The following KCNIP4 variants were observed in gnomAD, a reference collection of about 807,000 sequenced individuals.
KCNIP4 encodes potassium voltage-gated channel interacting protein 4.
In KCNIP4, 12 loss-of-function variants were observed where a neutral mutation model predicts 34.0. The ratio of observed to expected loss-of-function variants is 0.35; its 90% CI spans 0.23 to 0.57. The LOEUF (loss-of-function observed/expected upper bound fraction) is 0.57. Ranked by LOEUF, KCNIP4 falls within the 20% of genes least tolerant of loss-of-function variation. KCNIP4 has a pLI of 0.83. For synonymous variants in KCNIP4, 124 were observed against 102.2 expected (o/e 1.21, Z -1.29); for missense variants, 238 against 311.7 (o/e 0.76, Z 1.78).
At chr4:21,519,180 T>C (rs1735039245) in intron 1 of KCNIP4, among the ~76,000 whole-genome samples, 1 of 151,958 alleles carries the variant, frequency 6.6e-6, no homozygotes, top group South Asian at 2.1e-4. Flanking sequence ...AGGGTGAAGC[T>C]CTCGTGAATG....
At chr4:21,786,661 G>A (rs1162142627) in intron 1 of KCNIP4, among the ~76,000 whole-genome samples, 3 of 149,254 alleles carry the variant, frequency 2.0e-5, no homozygotes, top group African/African-American at 7.4e-5. Context: ...TCCGCCTCCC[G>A]GGTTCATGCC....
chr4:21,640,588 G>GCCAACCAA (rs371197288), intron 1 of KCNIP4, among the ~76,000 whole-genome samples: 1 of 151,960 alleles, frequency 6.6e-6, no homozygotes, highest in Admixed American at 6.6e-5. Context: ...CCATGTTCCA[G>GCCAACCAA]CCAACCAACC....
In KCNIP4 at chr4:21,714,783, TTGA is replaced by T. The variant is rs746275829; in HGVS notation, c.61+233785_61+233787del. Among the ~76,000 whole-genome samples, 117 of 47,278 alleles carry T rather than the reference TTGA, an allele frequency of 2.5e-3. 18 individuals carry two copies. The highest frequency in any genetic ancestry group is 4.5e-3 in the Admixed American group (14 of 3,110). The allele number at this position is 47,278 out of a possible 152,430, so 31.0% of individuals were successfully genotyped here. A position where few individuals can be genotyped will look rare whatever the true frequency, so the allele number is the denominator to read the frequency against. On this transcript the variant is annotated intron_variant, in intron 1 of 8. Transcript: ENST00000382152. The stretch of plus-strand genomic sequence containing the variant: ...TAAAGAATGTGTTAGTAATTTCCCT[TTGA>T]TTATTTTATTTTATTTTATTTTATT...
intron 2 of KCNIP4, among the ~76,000 whole-genome samples, chr4:20,880,371 T>G (rs1429594708): frequency 2.6e-5 from 4 of 152,196 alleles, no homozygotes; most frequent in Non-Finnish European, 4.4e-5. Flanking sequence ...AGGAGTCTTA[T>G]GGGGTCCACA....
chr4:20,771,214 T>C (rs925432121), intron 3 of KCNIP4, among the ~76,000 whole-genome samples: 10 of 152,262 alleles, frequency 6.6e-5, no homozygotes, highest in African/African-American at 2.4e-4. Context: ...CATATATATA[T>C]ACATGGTTGT....
In KCNIP4 at chr4:21,910,668, A is replaced by G. The variant is rs560785719; in HGVS notation, c.61+37903T>C. On this transcript the variant is annotated intron_variant, in intron 1 of 8. Coordinates refer to ENST00000382152, the MANE Select transcript of KCNIP4 (RefSeq NM_025221.6). ...AAGCCATAAGGCACTAAATTATATAAGGGAGGCTTTTCATTACTCTCTAAT... is the reference window on the plus strand; with the variant it reads ...AAGCCATAAGGCACTAAATTATATAGGGGAGGCTTTTCATTACTCTCTAAT... Among the ~76,000 whole-genome samples, 21 of 152,340 alleles carry G rather than the reference A, an allele frequency of 1.4e-4. No individual in the cohort carries two copies. The East Asian group carries it at 3.3e-3, about 24-fold the overall frequency.
At chr4:21,927,980 C>T (rs1455951706) in intron 1 of KCNIP4, among the ~76,000 whole-genome samples, 2 of 152,008 alleles carry the variant, frequency 1.3e-5, no homozygotes, top group Non-Finnish European at 2.9e-5. Context: ...AAATGTTAAG[C>T]CCTCTCCAAG....
intron 1 of KCNIP4, among the ~76,000 whole-genome samples, chr4:21,300,146 A>G (rs1220278265): frequency 6.6e-6 from 1 of 152,182 alleles, no homozygotes; most frequent in African/African-American, 2.4e-5. Flanking sequence ...AGCATAATTT[A>G]ATACATATTT....
intron 1 of KCNIP4, among the ~76,000 whole-genome samples, chr4:21,869,090 C>G (rs1226211377): frequency 6.6e-6 from 1 of 152,116 alleles, no homozygotes; most frequent in Non-Finnish European, 1.5e-5. Flanking sequence ...TCTTTAATAT[C>G]CAAGCAACTT....
chr4:21,111,752 G>A (rs550652537), intron 1 of KCNIP4, among the ~76,000 whole-genome samples: 26 of 152,290 alleles, frequency 1.7e-4, no homozygotes, highest in Admixed American at 1.5e-3. Context: ...GACCAGAAGA[G>A]TTATTGCAGG....
chr4:20,842,848 C>T lies in KCNIP4; in HGVS notation c.288+7695G>A, dbSNP rs1406730833. On this transcript the variant is annotated intron_variant, in intron 3 of 8. Transcript: ENST00000382152. Reference sequence around the variant, plus strand: ...TACAAAGACTGGAGAATTGGCTGAGCTTGGAGATTAATTAGAAACAAGAGG... The same window carrying T: ...TACAAAGACTGGAGAATTGGCTGAGTTTGGAGATTAATTAGAAACAAGAGG... Among the ~76,000 whole-genome samples the T allele has an allele frequency of 2.6e-5, 4 of 151,386 alleles. No homozygotes were observed. The South Asian group carries it at 6.3e-4, about 24-fold the overall frequency.
intron 1 of KCNIP4, among the ~76,000 whole-genome samples, chr4:20,972,878 C>T (rs1735110617): frequency 6.6e-6 from 1 of 152,126 alleles, no homozygotes; most frequent in Non-Finnish European, 1.5e-5. Context: ...AGCAAGATAA[C>T]TAGAATTAGA....
intron 1 of KCNIP4, among the ~76,000 whole-genome samples, chr4:21,015,514 C>A (rs1458855163): frequency 1.7e-5 from 2 of 115,336 alleles, no homozygotes; most frequent in African/African-American, 3.3e-5. Flanking sequence ...AGCACAGATG[C>A]AGCTATATAT....
intron 1 of KCNIP4, among the ~76,000 whole-genome samples, chr4:21,614,354 G>A (rs962336642): frequency 6.6e-6 from 1 of 151,682 alleles, no homozygotes; most frequent in South Asian, 2.1e-4. Context: ...GGTCAAACAA[G>A]CTCAACAGCT....
chr4:21,239,838 T>C (rs1214565402), intron 1 of KCNIP4, among the ~76,000 whole-genome samples: 5 of 152,070 alleles, frequency 3.3e-5, no homozygotes, highest in African/African-American at 1.2e-4. Context: ...GATCTAGAAC[T>C]AGAAATACCA....
At chr4:21,350,970 T>C (rs535599259) in intron 1 of KCNIP4, among the ~76,000 whole-genome samples, 1 of 152,314 alleles carries the variant, frequency 6.6e-6, no homozygotes, top group South Asian at 2.1e-4. Context: ...AAATGGTACA[T>C]CTGCATTATG....
intron 1 of KCNIP4, among the ~76,000 whole-genome samples, chr4:21,343,815 C>T (rs958572248): frequency 6.6e-6 from 1 of 152,078 alleles, no homozygotes; most frequent in African/African-American, 2.4e-5. Context: ...GAAACAAATG[C>T]TCAGAGCCCT....
intron 3 of KCNIP4, among the ~76,000 whole-genome samples, chr4:20,769,243 T>G (rs1235934657): frequency 6.6e-6 from 1 of 152,182 alleles, no homozygotes; most frequent in African/African-American, 2.4e-5. Flanking sequence ...AGCATAATAC[T>G]AAACATTCTA....
intron 1 of KCNIP4, among the ~76,000 whole-genome samples, chr4:21,811,173 C>T (rs1056915986): frequency 6.6e-6 from 1 of 152,158 alleles, no homozygotes; most frequent in African/African-American, 2.4e-5. Context: ...TAAACAGCAA[C>T]ACATTTCAGA....
Sources: gnomAD v4.1 joint callset for allele counts (sites outside exome capture counted in the v4.1 genomes callset) on GRCh38, gnomAD v4.1.1 for gene constraint, MANE v1.5 for transcripts, NCBI Gene and HGNC (gene_info 2026-07-23, HGNC 2026-07-21) for gene names.